RAN: variants seen among roughly 807,000 people sequenced by gnomAD.
RAN encodes the protein GTP-binding nuclear protein Ran.
A neutral mutation model predicts 26.8 loss-of-function variants in RAN; 2 were observed. The observed-to-expected ratio is 0.07, with a 90% CI of 0.03 to 0.23. The LOEUF (loss-of-function observed/expected upper bound fraction) is 0.23. RAN is among the 10% of genes least tolerant of loss of function. The pLI is 1.00. For synonymous variants in RAN, 132 were observed against 95.9 expected, an observed-to-expected ratio of 1.38 and a Z score of -2.20; for missense variants, 56 against 264.8, an observed-to-expected ratio of 0.21 and a Z score of 5.47.
chr12:130,873,235 T>C, intron 4 of RAN, 107 bp downstream of exon 4: 1 of 1,468,160 alleles, frequency 6.8e-7, no homozygotes, highest in Non-Finnish European at 9.2e-7. Context: ...CATTTTTGGG[T>C]TAAAAAAAGA....
At chr12:130,873,185 C>G in intron 4 of RAN, 57 bp downstream of exon 4, 1 of 1,607,128 alleles carries the variant, frequency 6.2e-7, no homozygotes, top group African/African-American at 1.3e-5. Flanking sequence ...CTTCAGTCTT[C>G]AAGGTTATAG....
In RAN at chr12:130,877,656, ATAT is replaced by A. The variant is rs1385698587; in HGVS notation, c.*1732_*1734del. ...ATTGAAAGAATAATTGTTGCAAAAT[ATAT>A]TGCTTCTACTTTGCCTGGATTTTTT... On this transcript the variant is annotated 3_prime_UTR_variant, in exon 7 of 7. Transcript: ENST00000543796. 1 of 152,180 alleles carries A rather than the reference ATAT, an allele frequency of 6.6e-6. No homozygotes were observed. The highest frequency in any genetic ancestry group is 6.6e-5 in the Admixed American group (1 of 15,266). 9.4% of individuals were successfully genotyped at this position (152,180 alleles called of 1,614,324 possible).
At chr12:130,875,091 G>C (rs1375389158) in intron 5 of RAN, among the ~76,000 whole-genome samples, 2 of 152,194 alleles carry the variant, frequency 1.3e-5, no homozygotes, top group African/African-American at 4.8e-5. Flanking sequence ...CTCCTAAAGG[G>C]CTGGGATTAC....
intron 4 of RAN, 65 bp downstream of exon 4, chr12:130,873,193 T>A (rs1383232274): frequency 4.4e-6 from 7 of 1,601,658 alleles, no homozygotes; most frequent in Non-Finnish European, 5.1e-6. Flanking sequence ...TTCAAGGTTA[T>A]AGAAAATCAG....
At chr12:130,873,253 A>G (rs1024271236) in intron 4 of RAN, 125 bp downstream of exon 4, 3 of 1,343,352 alleles carry the variant, frequency 2.2e-6, no homozygotes, top group East Asian at 4.7e-5. Flanking sequence ...AGACAAGTGG[A>G]CTTCGGGGAG....
rs540889043 is a variant in RAN at position 130,876,761 on chromosome 12, C to T, written c.*835C>T. 4.6e-5 allele frequency: 7 copies of T among 152,288 alleles called. No homozygotes were observed. In the East Asian group the frequency reaches 1.3e-3, roughly 29 times the overall value. The allele number at this position is 152,288 out of a possible 1,614,324, so 9.4% of individuals were successfully genotyped here. ...GAATTCTTGCTGTTAAAAATAATTA[C>T]AAATTTTGCACTTTTTTGTTTGAAT... On this transcript the variant is annotated 3_prime_UTR_variant, in exon 7 of 7. Coordinates refer to ENST00000543796, the MANE Select transcript of RAN (RefSeq NM_006325.5).
intron 2 of RAN, 65 bp from the exon 3 acceptor site, chr12:130,872,771 C>T (rs977432312): frequency 1.3e-6 from 2 of 1,595,330 alleles, no homozygotes; most frequent in African/African-American, 2.7e-5. Flanking sequence ...GTTAAAGTTC[C>T]GTGACTCTGG....
At chr12:130,875,839 G>C in intron 6 of RAN, 43 bp from the exon 7 acceptor site, 2 of 1,614,052 alleles carry the variant, frequency 1.2e-6, no homozygotes, top group Non-Finnish European at 1.7e-6. Context: ...ATTCCTGGCA[G>C]TTTTGATCTG....
rs375687929 is a variant in RAN at position 130,872,815 on chromosome 12, C to A, written c.37-21C>A. 6 of 1,613,496 alleles carry A rather than the reference C, an allele frequency of 3.7e-6. No homozygotes were observed. The African/African-American group carries it at 6.7e-5, about 18-fold the overall frequency. On this transcript the variant is annotated intron_variant, in intron 2 of 6. Coordinates refer to ENST00000543796, the MANE Select transcript of RAN (RefSeq NM_006325.5). ...GAGGTGAAGTGTTTAGGGTTTACTT[C>A]CAAAATGTGTTTTTCAACAGCTTGT...
intron 2 of RAN, 57 bp from the exon 3 acceptor site, chr12:130,872,779 T>C (rs1953163945): frequency 6.3e-7 from 1 of 1,598,270 alleles, no homozygotes; most frequent in East Asian, 2.2e-5. Flanking sequence ...TCCGTGACTC[T>C]GGGATCTTGA....
chr12:130,874,264 G>C (rs1593220292), intron 4 of RAN: 2 of 343,408 alleles, frequency 5.8e-6, no homozygotes, highest in South Asian at 5.4e-5. Context: ...TGGTTATCCA[G>C]AATCTCATTT....
intron 5 of RAN, among the ~76,000 whole-genome samples, 193 bp from the exon 6 acceptor site, chr12:130,875,419 C>T (rs139713184): frequency 1.1e-3 from 173 of 151,836 alleles, no homozygotes; most frequent in African/African-American, 4.0e-3. Context: ...GGGTCTTGCT[C>T]TGTTGCCCAG....
rs1953267265 is a variant in RAN, at chr12:130,877,360, GT to G, written c.*1436del. ...CTACTTACTGTATTAACTGGCAACAGTTGAGTTTCTTAAGATCTGAATTGCT... is the reference window on the plus strand; with the variant it reads ...CTACTTACTGTATTAACTGGCAACAGTGAGTTTCTTAAGATCTGAATTGCT... On this transcript the variant is annotated 3_prime_UTR_variant, in exon 7 of 7. Transcript: ENST00000543796. 1 of 152,252 alleles carries G rather than the reference GT, an allele frequency of 6.6e-6. No individual in the cohort carries two copies. 9.4% of individuals were successfully genotyped at this position (152,252 alleles called of 1,614,324 possible).
At chr12:130,872,430 C>A in intron 1 of RAN, 154 bp from the exon 2 acceptor site, 1 of 257,774 alleles carries the variant, frequency 3.9e-6, no homozygotes, top group Non-Finnish European at 6.4e-6. Context: ...GCCGGCCCCG[C>A]CCGCCGCCTT....
At chr12:130,872,525 G>A (rs1216535994) in intron 1 of RAN, 59 bp from the exon 2 acceptor site, 3 of 1,256,366 alleles carry the variant, frequency 2.4e-6, no homozygotes, top group Non-Finnish European at 3.0e-6. Flanking sequence ...GCGCGGGAGC[G>A]GGGCCGCCAT....
At chr12:130,874,174 A>C in intron 4 of RAN, 1 of 215,560 alleles carries the variant, frequency 4.6e-6, no homozygotes, top group Non-Finnish European at 9.7e-6. Context: ...AGACAGGAAT[A>C]ATGTTTTCCA....
chr12:130,875,446 T>A (rs960620723), intron 5 of RAN, among the ~76,000 whole-genome samples, 166 bp from the exon 6 acceptor site: 1 of 151,258 alleles, frequency 6.6e-6, no homozygotes, highest in Non-Finnish European at 1.5e-5. Flanking sequence ...TCGTGTACTA[T>A]TGGCCTCAGG....
intron 1 of RAN, 57 bp downstream of exon 1, chr12:130,872,183 G>A (rs1953145445): frequency 2.4e-5 from 4 of 168,552 alleles, no homozygotes; most frequent in Non-Finnish European, 5.2e-5. Context: ...GGCGGCGGCG[G>A]GATAGGGGTC....
In RAN at chr12:130,876,394, C is replaced by G. The variant is rs3803013; in HGVS notation, c.*468C>G. The G allele has an allele frequency of 1.2e-5, 2 of 166,972 alleles. No individual in the cohort carries two copies. Among genetic ancestry groups the G allele is most frequent in the Non-Finnish European group, 2.6e-5 (2 of 77,208 alleles). The allele number at this position is 166,972 out of a possible 1,614,324, so 10.3% of individuals were successfully genotyped here. ...TTGCTTTTATCACTTAATTTGAAAT[C>G]TATTGGGTTAATTTCTCCCTATGTT... On this transcript the variant is annotated 3_prime_UTR_variant, in exon 7 of 7. Coordinates refer to ENST00000543796, the MANE Select transcript of RAN (RefSeq NM_006325.5).
Sources: allele counts gnomAD v4.1 joint callset (sites outside exome capture counted in the v4.1 genomes callset), GRCh38; gene constraint gnomAD v4.1.1; transcripts MANE v1.5; gene names NCBI Gene and HGNC (gene_info 2026-07-23, HGNC 2026-07-21).